The following SLC12A3 variants were observed in gnomAD, a reference collection of about 807,000 sequenced individuals.
SLC12A3 encodes solute carrier family 12 member 3.
SLC12A3 carries 104 observed loss-of-function variants against 121.0 expected under a neutral mutation model. That is an observed-to-expected ratio of 0.86 (90% CI 0.73 to 1.01). The LOEUF is 1.01. SLC12A3 is among the 50% of genes least tolerant of loss of function. The pLI is 0.00. For missense variants in SLC12A3, 1,328 were observed against 1,356.3 expected, an observed-to-expected ratio of 0.98 and a Z score of 0.33; for synonymous variants, 536 against 533.4, an observed-to-expected ratio of 1.00 and a Z score of -0.07.
Position 56,894,632 on chromosome 16 carries a change from G to A in SLC12A3, c.2623G>A (p.Glu875Lys), listed in dbSNP as rs1441228030. 14 of 1,613,694 alleles carry A rather than the reference G, an allele frequency of 8.7e-6. No homozygotes were observed. Among genetic ancestry groups the A allele is most frequent in the Non-Finnish European group, 1.1e-5 (13 of 1,179,730 alleles). ...VGGQINRMDQ[E>K]RKAIISLLSK... ...CGGCCAGATTAACAGGATGGACCAG[G>A]AGAGAAAGGCGTAAGTGTGGAGGGC... The change falls in exon 22 of 26, where the codon GAG (glutamate) becomes AAG (lysine). Residue 875 changes from glutamate (E) to lysine (K), a missense_variant. Physicochemically the swap from Glu to Lys is moderately conservative, Grantham distance 56. Coordinates refer to ENST00000563236, the MANE Select transcript of SLC12A3 (RefSeq NM_001126108.2).
intron 24 of SLC12A3, 23 bp downstream of exon 24, chr16:56,902,531 G>GGCCCC: frequency 4.8e-5 from 34 of 714,394 alleles, no homozygotes; most frequent in Non-Finnish European, 7.9e-5. Flanking sequence ...GTGGGGGTGG[G>GGCCCC]AAACGCGACA....
At chr16:56,892,342 C>T (rs2055400215) in intron 20 of SLC12A3, among the ~76,000 whole-genome samples, 1 of 152,170 alleles carries the variant, frequency 6.6e-6, no homozygotes, top group Non-Finnish European at 1.5e-5. Context: ...GGCGCAGTGG[C>T]TCATGCCTGT....
chr16:56,886,586 A>T (rs1442456685), intron 16 of SLC12A3, 111 bp downstream of exon 16: 2 of 993,526 alleles, frequency 2.0e-6, no homozygotes, highest in Non-Finnish European at 1.6e-6. Context: ...GGAGTTTGAG[A>T]CCAGCCTGGC....
Position 56,866,054 on chromosome 16 carries a change from C to T in SLC12A3, c.282+537C>T, listed in dbSNP as rs536048640. ...AGGCTGGAGTGCAGTGGTGTGATCTCGGCTCACTGCAACCTCTGCCTCCTG... is the reference window on the plus strand; with the variant it reads ...AGGCTGGAGTGCAGTGGTGTGATCTTGGCTCACTGCAACCTCTGCCTCCTG... On this transcript the variant is annotated intron_variant, in intron 1 of 25. Transcript: ENST00000563236. 1.3e-3 allele frequency among the ~76,000 whole-genome samples: 200 copies of T among 150,368 alleles called. 1 individual carries two copies. The highest frequency in any genetic ancestry group is 4.4e-3 in the African/African-American group (181 of 40,852).
At chr16:56,898,383 C>G (rs1484104228) in intron 22 of SLC12A3, among the ~76,000 whole-genome samples, 1 of 152,086 alleles carries the variant, frequency 6.6e-6, no homozygotes, top group Non-Finnish European at 1.5e-5. Flanking sequence ...CTCAGCCTCC[C>G]GAGTAGCTGG....
intron 8 of SLC12A3, among the ~76,000 whole-genome samples, chr16:56,874,187 T>C (rs2055138493): frequency 6.6e-6 from 1 of 152,228 alleles, no homozygotes; most frequent in African/African-American, 2.4e-5. Context: ...TGGCACATAC[T>C]AGGTGCTCTG....
At chr16:56,896,113 A>G (rs2055458768) in intron 22 of SLC12A3, among the ~76,000 whole-genome samples, 1 of 152,248 alleles carries the variant, frequency 6.6e-6, no homozygotes, top group African/African-American at 2.4e-5. Flanking sequence ...CCCTGCTTTA[A>G]GGCAGTGTCT....
At chr16:56,885,805 G>A (rs1281959110) in intron 15 of SLC12A3, among the ~76,000 whole-genome samples, 2 of 152,170 alleles carry the variant, frequency 1.3e-5, no homozygotes, top group Non-Finnish European at 2.9e-5. Context: ...TATGAGCCAG[G>A]TGCTTGCAAA....
intron 9 of SLC12A3, 62 bp from the exon 10 acceptor site, chr16:56,879,011 C>T: frequency 6.4e-7 from 1 of 1,553,424 alleles, no homozygotes; most frequent in Non-Finnish European, 8.7e-7. Flanking sequence ...AGAGGTGGGG[C>T]TGGAAGAGGA....
Position 56,886,365 on chromosome 16 carries a change from C to T in SLC12A3, c.1927C>T (p.Pro643Ser). Reference protein sequence around the residue: ...EVEDHIKNYRPQCLVLTGPPN... With the variant: ...EVEDHIKNYRSQCLVLTGPPN... The stretch of plus-strand genomic sequence containing the variant: ...TGCCCTTTTCCCTTCCCTCCTCAGC[C>T]CCCAGTGCCTGGTGCTCACGGGGCC... The change falls in exon 16 of 26, where the codon CCC becomes TCC. Residue 643 changes from proline to serine, a missense_variant and splice_region_variant. Pro to Ser is a moderately conservative substitution (Grantham distance 74, BLOSUM62 -1). Coordinates refer to ENST00000563236, the MANE Select transcript of SLC12A3 (RefSeq NM_001126108.2). 6.2e-7 allele frequency: 1 copy of T among 1,612,062 alleles called. No homozygotes were observed. The highest frequency in any genetic ancestry group is 8.5e-7 in the Non-Finnish European group (1 of 1,178,212).
chr16:56,881,916 G>T (rs1394417779), intron 12 of SLC12A3, among the ~76,000 whole-genome samples: 2 of 151,930 alleles, frequency 1.3e-5, no homozygotes, highest in African/African-American at 4.8e-5. Context: ...GGGCGTGGTG[G>T]TGCATGCCTG....
intron 11 of SLC12A3, 149 bp from the exon 12 acceptor site, chr16:56,879,981 G>T (rs2055216698): frequency 3.2e-6 from 3 of 934,856 alleles, no homozygotes; most frequent in East Asian, 2.6e-5. Context: ...TGGAGGGGGT[G>T]AGCATCCCTG....
At position 56,884,821 on chromosome 16, in the gene SLC12A3, C is replaced by T. The variant is rs569285726; in HGVS notation, c.1826-444C>T. Among the ~76,000 whole-genome samples the T allele has an allele frequency of 2.8e-4, 42 of 152,232 alleles. 1 individual carries two copies. The South Asian group carries it at 6.0e-3, about 22-fold the overall frequency. On this transcript the variant is annotated intron_variant, in intron 14 of 25. Coordinates refer to ENST00000563236, the MANE Select transcript of SLC12A3 (RefSeq NM_001126108.2). ...TCATTCTGTCACCCAGGCTGGAGTG[C>T]AGCAGCACAACCTCGGCTCACTGCA...
chr16:56,906,756 AT>A, intron 25 of SLC12A3: 1 of 738,234 alleles, frequency 1.4e-6, no homozygotes. Context: ...CTTTGGCATG[AT>A]TTATGATTCC....
intron 24 of SLC12A3, 68 bp from the exon 25 acceptor site, chr16:56,904,327 T>G (rs2055578096): frequency 7.3e-7 from 1 of 1,374,650 alleles, no homozygotes. Context: ...AATGAGGCCA[T>G]AGACGTGGTG....
intron 12 of SLC12A3, among the ~76,000 whole-genome samples, chr16:56,881,451 G>C (rs570649598): frequency 1.3e-5 from 2 of 152,068 alleles, no homozygotes; most frequent in African/African-American, 2.4e-5. Context: ...ATCTGGGGGG[G>C]GGTCTGACTT....
chr16:56,903,167 T>C (rs948239435), intron 24 of SLC12A3, among the ~76,000 whole-genome samples: 1 of 150,084 alleles, frequency 6.7e-6, no homozygotes, highest in Non-Finnish European at 1.5e-5. Flanking sequence ...AAAAAAAAAT[T>C]GTCCTGTGGG....
At chr16:56,907,638 G>T (rs1327336141) in intron 25 of SLC12A3, among the ~76,000 whole-genome samples, 3 of 152,178 alleles carry the variant, frequency 2.0e-5, no homozygotes, top group African/African-American at 7.2e-5. Flanking sequence ...AGAGTCAGAG[G>T]CAGGGCTCCT....
At chr16:56,902,531 G>GGGGGGGGGCGCC in intron 24 of SLC12A3, 23 bp downstream of exon 24, 3 of 714,550 alleles carry the variant, frequency 4.2e-6, no homozygotes, top group Non-Finnish European at 7.2e-6. Context: ...GTGGGGGTGG[G>GGGGGGGGGCGCC]AAACGCGACA....
Sources: allele counts gnomAD v4.1 joint callset (sites outside exome capture counted in the v4.1 genomes callset), GRCh38; gene constraint gnomAD v4.1.1; transcripts MANE v1.5; gene names NCBI Gene and HGNC (gene_info 2026-07-23, HGNC 2026-07-21).